Variants in AFG2A observed in about 807,000 individuals in gnomAD.
AFG2A encodes ATPase family gene 2 protein homolog A.
chr4:123,280,419 C>G, the AFG2A span, among the ~76,000 whole-genome samples: 3 of 152,118 alleles, frequency 2.0e-5, no homozygotes, highest in Admixed American at 2.0e-4. Context: ...AACAAATTGC[C>G]ATACACATAG....
the AFG2A span, among the ~76,000 whole-genome samples, chr4:123,226,794 C>T: frequency 6.6e-6 from 1 of 152,170 alleles, no homozygotes; most frequent in African/African-American, 2.4e-5. Context: ...GGTACCAGCT[C>T]CTCCTTGTAC....
At chr4:123,053,124 G>A in the AFG2A span, among the ~76,000 whole-genome samples, 1 of 152,182 alleles carries the variant, frequency 6.6e-6, no homozygotes, top group Non-Finnish European at 1.5e-5. Flanking sequence ...ACTGACCCAA[G>A]TGTTAATCTC....
the AFG2A span, among the ~76,000 whole-genome samples, chr4:123,115,336 G>T: frequency 6.6e-6 from 1 of 152,120 alleles, no homozygotes; most frequent in African/African-American, 2.4e-5. Context: ...TCCTGGGGTT[G>T]CAGCGTCGGT....
chr4:122,950,116 G>T, the AFG2A span, among the ~76,000 whole-genome samples: 2 of 152,192 alleles, frequency 1.3e-5, no homozygotes, highest in Non-Finnish European at 2.9e-5. Context: ...ACATGATGGG[G>T]TGATGAGAAT....
chr4:123,019,460 A>T, the AFG2A span, among the ~76,000 whole-genome samples: 219 of 152,270 alleles, frequency 1.4e-3, no homozygotes, highest in Middle Eastern at 0.014. Flanking sequence ...ATTAACAAGG[A>T]TTACTTTTAG....
chr4:123,074,574 A>G, the AFG2A span, among the ~76,000 whole-genome samples: 33 of 148,152 alleles, frequency 2.2e-4, no homozygotes, highest in East Asian at 6.4e-3. Flanking sequence ...CTTAATTTTT[A>G]TTATAGTTTT....
the AFG2A span, among the ~76,000 whole-genome samples, chr4:123,312,034 C>G: frequency 6.6e-6 from 1 of 152,206 alleles, no homozygotes; most frequent in Middle Eastern, 3.2e-3. Flanking sequence ...CTTTTTCCAA[C>G]CCCCGCCCTG....
the AFG2A span, among the ~76,000 whole-genome samples, chr4:123,148,918 G>A: frequency 1.3e-5 from 2 of 152,000 alleles, no homozygotes; most frequent in Admixed American, 6.6e-5. Context: ...ACAGGCAGGT[G>A]CCACCATGCC....
chr4:123,113,562 T>A, the AFG2A span, among the ~76,000 whole-genome samples: 1 of 151,736 alleles, frequency 6.6e-6, no homozygotes, highest in Non-Finnish European at 1.5e-5. Context: ...TTAGCAAGAG[T>A]GATTGTGCTG....
At chr4:123,115,178 C>G in the AFG2A span, among the ~76,000 whole-genome samples, 1 of 152,098 alleles carries the variant, frequency 6.6e-6, no homozygotes, top group African/African-American at 2.4e-5. Context: ...CGCAAGTTCC[C>G]CCTGTGGACC....
chr4:123,256,263 A>C, the AFG2A span: 1 of 1,498,428 alleles, frequency 6.7e-7, no homozygotes, highest in Non-Finnish European at 9.1e-7. Flanking sequence ...GCTTGCCCTG[A>C]GGTGTTTTAA....
the AFG2A span, among the ~76,000 whole-genome samples, chr4:122,998,343 G>T: frequency 6.6e-6 from 1 of 151,648 alleles, no homozygotes; most frequent in African/African-American, 2.4e-5. Context: ...TAAGTTTTAG[G>T]ATACATGTGC....
At chr4:123,267,287 C>T in the AFG2A span, among the ~76,000 whole-genome samples, 3 of 151,954 alleles carry the variant, frequency 2.0e-5, no homozygotes, top group Non-Finnish European at 4.4e-5. Flanking sequence ...ATAGGGTTTT[C>T]TCTTTTTATT....
At chr4:123,271,391 T>C in the AFG2A span, among the ~76,000 whole-genome samples, 1 of 152,032 alleles carries the variant, frequency 6.6e-6, no homozygotes, top group African/African-American at 2.4e-5. Flanking sequence ...TCTGTTGGGG[T>C]TTTTTCGTTT....
At chr4:123,119,708 T>G in the AFG2A span, among the ~76,000 whole-genome samples, 2 of 152,190 alleles carry the variant, frequency 1.3e-5, no homozygotes, top group Non-Finnish European at 2.9e-5. Flanking sequence ...TTTGAGGCAA[T>G]AATTATGGGA....
the AFG2A span, among the ~76,000 whole-genome samples, chr4:122,996,023 T>G: frequency 6.6e-6 from 1 of 152,214 alleles, no homozygotes; most frequent in Non-Finnish European, 1.5e-5. Flanking sequence ...CATAGTGTGA[T>G]CTTTCCAAAA....
the AFG2A span, among the ~76,000 whole-genome samples, chr4:122,941,886 A>G: frequency 6.6e-6 from 1 of 151,124 alleles, no homozygotes; most frequent in African/African-American, 2.4e-5. Context: ...ATCTATTGAG[A>G]TAATCATGTG....
chr4:123,279,821 T>C, the AFG2A span, among the ~76,000 whole-genome samples: 2 of 152,206 alleles, frequency 1.3e-5, no homozygotes, highest in Non-Finnish European at 2.9e-5. Flanking sequence ...TAAGTAGAAC[T>C]GATCAGTTAG....
chr4:123,247,377 G>T, the AFG2A span, among the ~76,000 whole-genome samples: 15,279 of 152,096 alleles, frequency 0.1, 874 homozygotes, highest in Middle Eastern at 0.17. Context: ...GAAAAATTAT[G>T]AAAATTGGTT....
Sources: gnomAD v4.1 joint callset for allele counts (sites outside exome capture counted in the v4.1 genomes callset) on GRCh38, gnomAD v4.1.1 for gene constraint, MANE v1.5 for transcripts, NCBI Gene and HGNC (gene_info 2026-07-23, HGNC 2026-07-21) for gene names.